ZFPM1: variants seen among roughly 807,000 people sequenced by gnomAD.
The protein encoded by ZFPM1 is zinc finger protein ZFPM1.
In ZFPM1, 28 loss-of-function variants were observed where a neutral mutation model predicts 46.3. The ratio of observed to expected loss-of-function variants is 0.60; its 90% CI spans 0.45 to 0.83. The LOEUF is 0.83. Among genes scored for constraint, ZFPM1 ranks in the 40% least tolerant of loss-of-function variants. ZFPM1 has a pLI of 0.00. For synonymous variants in ZFPM1, 957 were observed against 675.9 expected, an observed-to-expected ratio of 1.42 and a Z score of -6.45; for missense variants, 1,878 against 1,432.4, an observed-to-expected ratio of 1.31 and a Z score of -5.02.
In ZFPM1 at chr16:88,471,062, T is replaced by C. The variant is rs1018591404; in HGVS notation, c.41-14877T>C. ...CCCTTCCCCGTGTGCCCTTGCCAAC[T>C]ACATACTGGGCTGCCCAGAGGCTGC... On this transcript the variant is annotated intron_variant, in intron 1 of 9. Coordinates refer to ENST00000319555, the MANE Select transcript of ZFPM1 (RefSeq NM_153813.3). This position sits in a 1 kb window ranked among gnomAD's most constrained non-coding sequence, Gnocchi z 4.1. Among the ~76,000 whole-genome samples, 1 of 152,026 alleles carries C rather than the reference T, an allele frequency of 6.6e-6. No homozygotes were observed. The highest frequency in any genetic ancestry group is 1.5e-5 in the Non-Finnish European group (1 of 67,976).
intron 3 of ZFPM1, among the ~76,000 whole-genome samples, chr16:88,505,079 T>C (rs1485882195): frequency 6.6e-6 from 1 of 152,224 alleles, no homozygotes; most frequent in Non-Finnish European, 1.5e-5. Flanking sequence ...TTCCAGGCGA[T>C]AGGAAGACAA....
intron 7 of ZFPM1, 38 bp downstream of exon 7, chr16:88,532,273 G>T (rs201035080): frequency 2.6e-6 from 4 of 1,541,164 alleles, no homozygotes; most frequent in Non-Finnish European, 3.5e-6. Context: ...TCAGGATGCC[G>T]GCTGCTTCCC....
chr16:88,526,762 A>C, intron 4 of ZFPM1, 52 bp from the exon 5 acceptor site: 1 of 1,529,096 alleles, frequency 6.5e-7, no homozygotes. Context: ...GGGAACCCCC[A>C]GGCAGGCTGC....
chr16:88,488,574 C>T (rs1038795163), intron 2 of ZFPM1, among the ~76,000 whole-genome samples: 4 of 151,482 alleles, frequency 2.6e-5, no homozygotes, highest in African/African-American at 9.7e-5. Context: ...CACGTGACGT[C>T]ATGGGGTGGG....
chr16:88,465,847 C>T (rs1289380788), intron 1 of ZFPM1, among the ~76,000 whole-genome samples: 2 of 152,160 alleles, frequency 1.3e-5, no homozygotes, highest in South Asian at 2.1e-4. Flanking sequence ...CGATTAGCGG[C>T]GATTAGAGCC....
chr16:88,478,355 G>T (rs906158714), intron 1 of ZFPM1, among the ~76,000 whole-genome samples: 17 of 152,248 alleles, frequency 1.1e-4, no homozygotes, highest in African/African-American at 4.1e-4. Context: ...GGAGCTGCGG[G>T]TGGGCCAGGG....
intron 4 of ZFPM1, chr16:88,516,395 C>T (rs1378134733): frequency 1.0e-5 from 4 of 397,614 alleles, no homozygotes; most frequent in Non-Finnish European, 1.8e-5. Context: ...TAGAAACGCT[C>T]CCAAGTGGGG....
Position 88,534,037 on chromosome 16 carries a change from C to G in ZFPM1, c.2079C>G (p.Ser693Arg). 1 of 1,355,330 alleles carries G rather than the reference C, an allele frequency of 7.4e-7. No individual in the cohort carries two copies. The highest frequency in any genetic ancestry group is 9.6e-7 in the Non-Finnish European group (1 of 1,037,684). The allele number at this position is 1,355,330 out of a possible 1,614,324, so 84.0% of individuals were successfully genotyped here. A position where few individuals can be genotyped will look rare whatever the true frequency, so the allele number is the denominator to read the frequency against. ...TLCEACNIRF[S>R]RHETYTVHKR... Reference sequence around the variant, plus strand: ...GCGAGGCCTGCAACATCCGCTTCAGCCGCCACGAGACCTACACCGTGCACA... The same window carrying G: ...GCGAGGCCTGCAACATCCGCTTCAGGCGCCACGAGACCTACACCGTGCACA... Residue 693 changes from serine (S) to arginine (R), a missense_variant, in exon 10 of 10, where the codon AGC becomes AGG. By Grantham distance (110) the Ser-to-Arg change is moderately radical (BLOSUM62 -1). Coordinates refer to ENST00000319555, the MANE Select transcript of ZFPM1 (RefSeq NM_153813.3).
rs114061481 is a variant in ZFPM1, at chr16:88,494,127, A to G, written c.268+4974A>G. ...GAGTCACTTCCCAGACCTCGGCTGCAGGCCTTGAGCTTGTCGGCTGCCCCG... is the reference window on the plus strand; with the variant it reads ...GAGTCACTTCCCAGACCTCGGCTGCGGGCCTTGAGCTTGTCGGCTGCCCCG... On this transcript the variant is annotated intron_variant, in intron 3 of 9. Coordinates refer to ENST00000319555, the MANE Select transcript of ZFPM1 (RefSeq NM_153813.3). Among the ~76,000 whole-genome samples, 233 of 152,206 alleles carry G rather than the reference A, an allele frequency of 1.5e-3. 1 individual carries two copies. The highest frequency in any genetic ancestry group is 5.4e-3 in the African/African-American group (225 of 41,540).
At chr16:88,505,863 G>A (rs997338768) in intron 3 of ZFPM1, among the ~76,000 whole-genome samples, 5 of 152,134 alleles carry the variant, frequency 3.3e-5, no homozygotes, top group South Asian at 2.1e-4. Context: ...AGGTGCAGCC[G>A]CCGGCAGGGC....
chr16:88,488,059 G>A (rs1236499222), intron 2 of ZFPM1, among the ~76,000 whole-genome samples: 1 of 152,218 alleles, frequency 6.6e-6, no homozygotes, highest in Non-Finnish European at 1.5e-5. Flanking sequence ...ATGTGAGCTG[G>A]GTGCGAGTCC....
intron 1 of ZFPM1, among the ~76,000 whole-genome samples, chr16:88,484,346 C>A (rs1403240892): frequency 2.0e-5 from 3 of 152,356 alleles, no homozygotes; most frequent in Admixed American, 6.5e-5. Flanking sequence ...ATGGGGCGCT[C>A]AGCCCTCAGG....
chr16:88,466,313 C>T (rs80200542), intron 1 of ZFPM1, among the ~76,000 whole-genome samples: 3,812 of 152,300 alleles, frequency 0.025, 151 homozygotes, highest in African/African-American at 0.087. Context: ...CTGGGAGGGG[C>T]GCCTATGACC....
chr16:88,464,311 G>T (rs1158744581), intron 1 of ZFPM1, among the ~76,000 whole-genome samples: 1 of 152,230 alleles, frequency 6.6e-6, no homozygotes, highest in African/African-American at 2.4e-5. Flanking sequence ...GCCTGTTTAT[G>T]ACTGATAGTT....
rs779262130 is a variant in ZFPM1 at position 88,534,784 on chromosome 16, C to G, written c.2826C>G (p.Ala942=). ...PPPSPAAAPE[A]VPPPPAPPSY... ...CGTCCCCGGCCGCCGCGCCCGAGGC[C>G]GTGCCGCCCCCGCCGGCGCCCCCCT... The change falls in exon 10 of 10, where the codon GCC becomes GCG. Residue 942 remains alanine (A), a synonymous_variant. Transcript: ENST00000319555. 1.5e-6 allele frequency: 2 copies of G among 1,305,496 alleles called. No individual in the cohort carries two copies. The highest frequency in any genetic ancestry group is 9.8e-7 in the Non-Finnish European group (1 of 1,023,186). The allele number at this position is 1,305,496 out of a possible 1,614,324, so 80.9% of individuals were successfully genotyped here. A position where few individuals can be genotyped will look rare whatever the true frequency, so the allele number is the denominator to read the frequency against.
At chr16:88,509,857 C>G (rs1019456112) in intron 3 of ZFPM1, among the ~76,000 whole-genome samples, 2 of 152,176 alleles carry the variant, frequency 1.3e-5, no homozygotes, top group African/African-American at 4.8e-5. Context: ...CGCTCCTCTA[C>G]CGGCTTGCTG....
At chr16:88,505,581 C>T (rs1268285746) in intron 3 of ZFPM1, among the ~76,000 whole-genome samples, 6 of 152,188 alleles carry the variant, frequency 3.9e-5, no homozygotes, top group African/African-American at 7.2e-5. Flanking sequence ...GCCCTCCGCA[C>T]GACGGCTTCC....
intron 1 of ZFPM1, among the ~76,000 whole-genome samples, chr16:88,462,453 G>T (rs980570185): frequency 6.6e-6 from 1 of 152,242 alleles, no homozygotes. Context: ...GAGAGGGTGG[G>T]TGGCTGCGCT....
intron 1 of ZFPM1, among the ~76,000 whole-genome samples, chr16:88,478,411 C>T (rs534707908): frequency 2.0e-5 from 3 of 152,364 alleles, no homozygotes; most frequent in Admixed American, 6.5e-5. Flanking sequence ...CTCTCATAGC[C>T]CCCGAGGGCC....
Sources: gnomAD v4.1 joint callset for allele counts (sites outside exome capture counted in the v4.1 genomes callset) on GRCh38, gnomAD v4.1.1 for gene constraint, Gnocchi (gnomAD v3.1) non-coding constraint, MANE v1.5 for transcripts, NCBI Gene and HGNC (gene_info 2026-07-23, HGNC 2026-07-21) for gene names.